Variants in ARID3A observed in about 807,000 individuals in gnomAD.
The protein encoded by ARID3A is AT-rich interaction domain 3A.
In ARID3A, 11 loss-of-function variants were observed where a neutral mutation model predicts 52.7. That is an observed-to-expected ratio of 0.21 (90% confidence interval 0.13 to 0.35). The LOEUF (loss-of-function observed/expected upper bound fraction) is 0.35, where lower values mean the gene tolerates loss of function less well. Among genes scored for constraint, ARID3A ranks in the 10% least tolerant of loss-of-function variants. ARID3A has a pLI of 1.00. For synonymous variants in ARID3A, 404 were observed against 359.4 expected (o/e 1.12, Z -1.40); for missense variants, 721 against 838.5 (o/e 0.86, Z 1.73).
At chr19:933,402 A>C (rs1358982405) in intron 3 of ARID3A, among the ~76,000 whole-genome samples, 1 of 152,114 alleles carries the variant, frequency 6.6e-6, no homozygotes, top group African/African-American at 2.4e-5. Context: ...GATGCTTTGA[A>C]GTTGGGCCGT....
At chr19:971,144 T>C (rs1034579627) in intron 8 of ARID3A, among the ~76,000 whole-genome samples, 1 of 152,140 alleles carries the variant, frequency 6.6e-6, no homozygotes, top group Non-Finnish European at 1.5e-5. Flanking sequence ...CATCCATATA[T>C]ATGCACATGT....
rs550379173 is a variant in ARID3A at position 942,141 on chromosome 19, C to T, written c.693+9399C>T. Among the ~76,000 whole-genome samples the T allele has an allele frequency of 1.4e-3, 218 of 152,258 alleles. 1 individual carries two copies. Among genetic ancestry groups the T allele is most frequent in the Non-Finnish European group, 2.7e-3 (184 of 67,996 alleles). On this transcript the variant is annotated intron_variant, in intron 3 of 8. Coordinates refer to ENST00000263620, the MANE Select transcript of ARID3A (RefSeq NM_005224.3). This position sits in a 1 kb window ranked among gnomAD's most constrained non-coding sequence, Gnocchi z 8.1. The stretch of plus-strand genomic sequence containing the variant: ...CCGATGATGGAGCCCCAGTGGCCAC[C>T]GAGCTATGGACAGGGCCGCTGGGGG...
Position 929,867 on chromosome 19 carries a change from C to T in ARID3A, c.339C>T (p.His113=), listed in dbSNP as rs1568354128. ...GRGREGPGEE[H]FEDMASDEDM... ...GCAGAGAAGGGCCAGGAGAGGAGCA[C>T]TTTGAGGACATGGCCTCCGACGAGG... is the stretch of plus-strand genomic sequence containing the variant. The change falls in exon 2 of 9, where the codon CAC becomes CAT. Residue 113 remains histidine (H), a synonymous_variant. Coordinates refer to ENST00000263620, the MANE Select transcript of ARID3A (RefSeq NM_005224.3). The surrounding 1 kb of genome is among the most constrained non-coding windows in gnomAD (Gnocchi z 6.2). 1 of 1,543,798 alleles carries T rather than the reference C, an allele frequency of 6.5e-7. No homozygotes were observed. The highest frequency in any genetic ancestry group is 8.7e-7 in the Non-Finnish European group (1 of 1,146,944).
chr19:974,974 A>C lies in ARID3A; in HGVS notation c.*2909A>C. ...AATGGGAGGCGGTTGCAGAGGGTCT[A>C]TGGGGCCCGGTCCTGGATACTCGGC... On this transcript the variant is annotated 3_prime_UTR_variant, in exon 9 of 9. Coordinates refer to ENST00000263620, the MANE Select transcript of ARID3A (RefSeq NM_005224.3). The C allele has an allele frequency of 4.3e-6, 1 of 232,038 alleles. No individual in the cohort carries two copies. Among genetic ancestry groups the C allele is most frequent in the Admixed American group, 5.6e-5 (1 of 17,750 alleles). The allele number at this position is 232,038 out of a possible 1,614,324, so 14.4% of individuals were successfully genotyped here. A position where few individuals can be genotyped will look rare whatever the true frequency, so the allele number is the denominator to read the frequency against.
At chr19:926,904 C>T (rs1380636521) in intron 1 of ARID3A, among the ~76,000 whole-genome samples, 3 of 151,958 alleles carry the variant, frequency 2.0e-5, no homozygotes, top group Non-Finnish European at 4.4e-5. Flanking sequence ...TGCAAATCGG[C>T]CGCTTTCCAA....
rs1273715546 is a variant in ARID3A at position 960,468 on chromosome 19, G to A, written c.766+304G>A. Among the ~76,000 whole-genome samples, 3 of 152,128 alleles carry A rather than the reference G, an allele frequency of 2.0e-5. No homozygotes were observed. The highest frequency in any genetic ancestry group is 7.2e-5 in the African/African-American group (3 of 41,428). ...TCATCTCCTTAGCATCCAGGGTGCA[G>A]TGAAGTGGGGGTCCCCACTACTGGG... On this transcript the variant is annotated intron_variant, in intron 4 of 8. Transcript: ENST00000263620. The surrounding 1 kb of genome is among the most constrained non-coding windows in gnomAD (Gnocchi z 4.3).
rs772686733 is a variant in ARID3A at position 929,668 on chromosome 19, G to T, written c.140G>T (p.Arg47Ile). ...GCCCGGGCTGCCCCCGACGAGGACAGAGAGCCCGAGAGTGCCCGGATGCAG... is the reference window on the plus strand; with the variant it reads ...GCCCGGGCTGCCCCCGACGAGGACATAGAGCCCGAGAGTGCCCGGATGCAG... ...GRARAAPDED[R>I]EPESARMQRA... Residue 47 changes from arginine to isoleucine, a missense_variant, in exon 2 of 9, where the codon AGA becomes ATA. By Grantham distance (97) the Arg-to-Ile change is moderately conservative. Coordinates refer to ENST00000263620, the MANE Select transcript of ARID3A (RefSeq NM_005224.3). This position sits in a 1 kb window ranked among gnomAD's most constrained non-coding sequence, Gnocchi z 6.2. The T allele has an allele frequency of 6.4e-7, 1 of 1,552,618 alleles. No homozygotes were observed. The highest frequency in any genetic ancestry group is 8.6e-7 in the Non-Finnish European group (1 of 1,157,280).
At chr19:948,072 G>A (rs918146430) in intron 3 of ARID3A, among the ~76,000 whole-genome samples, 3 of 152,152 alleles carry the variant, frequency 2.0e-5, no homozygotes, top group African/African-American at 7.2e-5. Context: ...CGCCTGCTGG[G>A]TGTGGGTGAC....
At chr19:932,130 C>T (rs1254256140) in intron 2 of ARID3A, among the ~76,000 whole-genome samples, 2 of 152,128 alleles carry the variant, frequency 1.3e-5, no homozygotes, top group East Asian at 3.9e-4. Flanking sequence ...CAGAGTGCTG[C>T]CGGGATTATA....
chr19:933,129 C>T (rs532637081), intron 3 of ARID3A, among the ~76,000 whole-genome samples: 4 of 152,282 alleles, frequency 2.6e-5, no homozygotes, highest in South Asian at 4.1e-4. Flanking sequence ...GCCTTGGTGA[C>T]GTGGTGACTT....
rs2037994672 is a variant in ARID3A, at chr19:959,507, G to A, written c.694-585G>A. On this transcript the variant is annotated intron_variant, in intron 3 of 8. Transcript: ENST00000263620. The surrounding 1 kb of genome is among the most constrained non-coding windows in gnomAD (Gnocchi z 5.0). ...GCCCAGGCTGGTCTTGAATTCCCGG[G>A]CTCAAGCGATTCACCCGCCTCCCAA... 6.6e-6 allele frequency among the ~76,000 whole-genome samples: 1 copy of A among 152,120 alleles called. No individual in the cohort carries two copies. The highest frequency in any genetic ancestry group is 2.1e-4 in the South Asian group (1 of 4,834).
Position 932,664 on chromosome 19 carries a change from C to A in ARID3A, c.615C>A (p.Pro205=), listed in dbSNP as rs553201126. ...QERPGPGPAH[P]GGAAHVAPQL... ...GGCCGGGGCCTGGCCCTGCCCACCC[C>A]GGAGGGGCCGCCCACGTAGCCCCGC... Residue 205 remains proline (P), a synonymous_variant, in exon 3 of 9, where the codon CCC becomes CCA. Transcript: ENST00000263620. 5.8e-6 allele frequency: 9 copies of A among 1,545,428 alleles called. No homozygotes were observed. The South Asian group carries it at 9.5e-5, about 16-fold the overall frequency.
chr19:953,463 C>G (rs938282962), intron 3 of ARID3A, among the ~76,000 whole-genome samples: 1 of 149,456 alleles, frequency 6.7e-6, no homozygotes, highest in Non-Finnish European at 1.5e-5. Flanking sequence ...CCCACCCCCC[C>G]AGGCCTCCCA....
intron 7 of ARID3A, among the ~76,000 whole-genome samples, chr19:967,570 A>T (rs1055276963): frequency 2.4e-4 from 37 of 151,538 alleles, no homozygotes; most frequent in African/African-American, 9.0e-4. Context: ...AAAACAAGGT[A>T]AAAAAAAACA....
Position 941,685 on chromosome 19 carries a change from C to T in ARID3A, c.693+8943C>T, listed in dbSNP as rs1211020656. Among the ~76,000 whole-genome samples the T allele has an allele frequency of 6.6e-6, 1 of 152,086 alleles. No homozygotes were observed. The highest frequency in any genetic ancestry group is 1.5e-5 in the Non-Finnish European group (1 of 68,008). On this transcript the variant is annotated intron_variant, in intron 3 of 8. Coordinates refer to ENST00000263620, the MANE Select transcript of ARID3A (RefSeq NM_005224.3). The surrounding 1 kb of genome is among the most constrained non-coding windows in gnomAD (Gnocchi z 6.9). The stretch of plus-strand genomic sequence containing the variant: ...CAGCCTGGTCTCAAACTCCTGGGCT[C>T]AAGTGATCCTCCCGCCTCGGTCTCT...
intron 2 of ARID3A, among the ~76,000 whole-genome samples, chr19:931,538 C>T (rs970793007): frequency 3.3e-5 from 5 of 151,470 alleles, no homozygotes; most frequent in Non-Finnish European, 4.4e-5. Context: ...AATGGCTGGG[C>T]GTGGTGGCTC....
chr19:955,311 G>A (rs959744794), intron 3 of ARID3A, among the ~76,000 whole-genome samples: 1 of 152,204 alleles, frequency 6.6e-6, no homozygotes, highest in African/African-American at 2.4e-5. Context: ...AGCCCAGGCG[G>A]CCTTTACTGC....
chr19:959,671 G>C lies in ARID3A; in HGVS notation c.694-421G>C, dbSNP rs1393375025. 6.6e-6 allele frequency among the ~76,000 whole-genome samples: 1 copy of C among 152,156 alleles called. No individual in the cohort carries two copies. The highest frequency in any genetic ancestry group is 1.5e-5 in the Non-Finnish European group (1 of 68,040). ...CTGTAAGGGAGTTAAGGATCGATTT[G>C]AGATGAGGTGGCCCTAAAACCAGCA... On this transcript the variant is annotated intron_variant, in intron 3 of 8. Transcript: ENST00000263620. The surrounding 1 kb of genome is among the most constrained non-coding windows in gnomAD (Gnocchi z 5.0).
intron 4 of ARID3A, among the ~76,000 whole-genome samples, chr19:962,291 C>T (rs970231471): frequency 3.9e-5 from 6 of 152,098 alleles, no homozygotes; most frequent in African/African-American, 1.4e-4. Flanking sequence ...TCAGAATTCT[C>T]TGGGGGCTAG....
Sources: gnomAD v4.1 joint callset for allele counts (sites outside exome capture counted in the v4.1 genomes callset) on GRCh38, gnomAD v4.1.1 for gene constraint, Gnocchi (gnomAD v3.1) non-coding constraint, MANE v1.5 for transcripts, NCBI Gene and HGNC (gene_info 2026-07-23, HGNC 2026-07-21) for gene names.